IGF2BP3: variants seen among roughly 807,000 people sequenced by gnomAD.
IGF2BP3 encodes the protein insulin like growth factor 2 mRNA binding protein 3.
In IGF2BP3, 9 loss-of-function variants were observed where a neutral mutation model predicts 73.8. The observed-to-expected ratio is 0.12, with a 90% CI of 0.07 to 0.21. IGF2BP3 has a LOEUF of 0.21. IGF2BP3 is among the 10% of genes least tolerant of loss of function. The probability of loss-of-function intolerance (pLI) is 1.00; values close to 1 mark genes in which losing one functional copy is unlikely to be tolerated. For synonymous variants in IGF2BP3, 258 were observed against 256.7 expected (o/e 1.01, Z -0.05); for missense variants, 542 against 714.0 (o/e 0.76, Z 2.75).
At chr7:23,425,344 A>G (rs1787478208) in intron 2 of IGF2BP3, among the ~76,000 whole-genome samples, 1 of 152,194 alleles carries the variant, frequency 6.6e-6, no homozygotes, top group African/African-American at 2.4e-5. Context: ...CCTTTGTATC[A>G]TTTTAATAAT....
rs190826409 is a variant in IGF2BP3 at position 23,378,719 on chromosome 7, G to A, written c.286-16978C>T. On this transcript the variant is annotated intron_variant, in intron 3 of 14. Coordinates refer to ENST00000258729, the MANE Select transcript of IGF2BP3 (RefSeq NM_006547.3). ...CTCCCGAGTAGCTGGGACTACAGGT[G>A]CACGCCACCATGCCCAGCTAATTTT... Among the ~76,000 whole-genome samples the A allele has an allele frequency of 6.0e-3, 915 of 151,878 alleles. 15 individuals are homozygous for A. The highest frequency in any genetic ancestry group is 0.021 in the African/African-American group (850 of 41,396).
intron 10 of IGF2BP3, among the ~76,000 whole-genome samples, chr7:23,331,271 A>G (rs1784437674): frequency 6.6e-6 from 1 of 152,222 alleles, no homozygotes; most frequent in African/African-American, 2.4e-5. Context: ...TAGAAGTTCT[A>G]TTACATAAAT....
intron 3 of IGF2BP3, among the ~76,000 whole-genome samples, chr7:23,387,296 T>C (rs571450344): frequency 6.6e-6 from 1 of 152,274 alleles, no homozygotes; most frequent in Non-Finnish European, 1.5e-5. Context: ...ACCTGATCAA[T>C]ATTCCTGAAA....
At chr7:23,357,257 C>A (rs1029753847) in intron 5 of IGF2BP3, among the ~76,000 whole-genome samples, 2 of 151,832 alleles carry the variant, frequency 1.3e-5, no homozygotes, top group Non-Finnish European at 2.9e-5. Context: ...TACAAAGGAA[C>A]TGCAATGATA....
intron 3 of IGF2BP3, among the ~76,000 whole-genome samples, chr7:23,376,460 G>C (rs1785720871): frequency 6.6e-6 from 1 of 150,504 alleles, no homozygotes; most frequent in South Asian, 2.1e-4. Context: ...GCTTGAACCG[G>C]GAAAGCAAAA....
intron 8 of IGF2BP3, among the ~76,000 whole-genome samples, chr7:23,345,002 G>T (rs1583912901): frequency 6.6e-6 from 1 of 152,150 alleles, no homozygotes. Flanking sequence ...AGACAAAGTA[G>T]TATTACTTAT....
chr7:23,402,070 T>C (rs543847877), intron 3 of IGF2BP3, among the ~76,000 whole-genome samples: 13 of 152,246 alleles, frequency 8.5e-5, no homozygotes, highest in South Asian at 4.1e-4. Flanking sequence ...TGAGCCGAGA[T>C]TGCACCACTG....
At chr7:23,401,924 C>CCGGCCAA (rs1426827935) in intron 3 of IGF2BP3, among the ~76,000 whole-genome samples, 19 of 152,208 alleles carry the variant, frequency 1.2e-4, no homozygotes, top group Non-Finnish European at 2.1e-4. Flanking sequence ...CAAGACCAGC[C>CCGGCCAA]TGGCCAACAT....
chr7:23,342,804 T>C (rs896119786), intron 9 of IGF2BP3, among the ~76,000 whole-genome samples: 6 of 152,198 alleles, frequency 3.9e-5, no homozygotes, highest in Non-Finnish European at 8.8e-5. Flanking sequence ...TTGAGTGTAC[T>C]TGAAAATCTT....
At chr7:23,389,922 G>A (rs2128520684) in intron 3 of IGF2BP3, among the ~76,000 whole-genome samples, 1 of 151,958 alleles carries the variant, frequency 6.6e-6, no homozygotes, top group African/African-American at 2.4e-5. Flanking sequence ...GCTGCAGTGA[G>A]CCGTGACTGA....
chr7:23,384,749 G>A (rs1291311457), intron 3 of IGF2BP3, among the ~76,000 whole-genome samples: 1 of 152,118 alleles, frequency 6.6e-6, no homozygotes, highest in Non-Finnish European at 1.5e-5. Context: ...AAATTAGCTG[G>A]GTGTGGTGGT....
chr7:23,439,242 T>C (rs1014991411), intron 2 of IGF2BP3, among the ~76,000 whole-genome samples: 7 of 151,372 alleles, frequency 4.6e-5, no homozygotes, highest in Non-Finnish European at 7.4e-5. Context: ...TGCCTCAAAA[T>C]AAAAAATAAA....
At chr7:23,327,532 C>T (rs990653486) in intron 10 of IGF2BP3, among the ~76,000 whole-genome samples, 3 of 152,120 alleles carry the variant, frequency 2.0e-5, no homozygotes, top group Non-Finnish European at 2.9e-5. Context: ...CCGCCCGCCT[C>T]GGCCTCCCAA....
chr7:23,326,434 T>G (rs1450368980), intron 10 of IGF2BP3, among the ~76,000 whole-genome samples: 2 of 151,702 alleles, frequency 1.3e-5, no homozygotes, highest in African/African-American at 4.8e-5. Flanking sequence ...CTGGAGAGGA[T>G]GTGGAGAAAT....
intron 2 of IGF2BP3, among the ~76,000 whole-genome samples, chr7:23,455,694 A>ACT (rs55881657): frequency 2.0e-5 from 3 of 151,598 alleles, no homozygotes; most frequent in Non-Finnish European, 4.4e-5. Flanking sequence ...GGGTCTTACT[A>ACT]TTTTTTTTGG....
Position 23,317,725 on chromosome 7 carries a change from C to T in IGF2BP3, c.1321-12G>A. The T allele has an allele frequency of 6.2e-7, 1 of 1,610,594 alleles. No individual in the cohort carries two copies. The highest frequency in any genetic ancestry group is 8.5e-7 in the Non-Finnish European group (1 of 1,176,782). On this transcript the variant is annotated splice_polypyrimidine_tract_variant and intron_variant, in intron 11 of 14. Transcript: ENST00000258729. ...TCCGCTGGAGCAATCTGTAACAGAC[C>T]CAACAACAAGTTATGATACTTTCAG...
rs372100171 is a variant in IGF2BP3 at position 23,347,583 on chromosome 7, C to T, written c.818+17G>A. 29 of 1,609,220 alleles carry T rather than the reference C, an allele frequency of 1.8e-5. No homozygotes were observed. The highest frequency in any genetic ancestry group is 1.8e-4 in the Middle Eastern group (1 of 5,450). The stretch of plus-strand genomic sequence containing the variant: ...ACAAATATCAACCTCTTTCACAGGA[C>T]AATCTTCTTTACTCACAATTTTATA... On this transcript the variant is annotated intron_variant, in intron 7 of 14. Coordinates refer to ENST00000258729, the MANE Select transcript of IGF2BP3 (RefSeq NM_006547.3).
chr7:23,418,559 T>C (rs908511045), intron 3 of IGF2BP3, among the ~76,000 whole-genome samples: 4 of 152,212 alleles, frequency 2.6e-5, no homozygotes, highest in Non-Finnish European at 5.9e-5. Context: ...TACCCAAGAA[T>C]ATATTTCAAT....
intron 2 of IGF2BP3, among the ~76,000 whole-genome samples, chr7:23,435,650 G>A (rs755856762): frequency 2.6e-5 from 4 of 151,984 alleles, no homozygotes; most frequent in Non-Finnish European, 4.4e-5. Context: ...TAAAGATGAG[G>A]TTTCACCATG....
Sources: allele counts gnomAD v4.1 joint callset (sites outside exome capture counted in the v4.1 genomes callset), GRCh38; gene constraint gnomAD v4.1.1; transcripts MANE v1.5; gene names NCBI Gene and HGNC (gene_info 2026-07-23, HGNC 2026-07-21).